TBC1D19: variants seen among roughly 807,000 people sequenced by gnomAD.
TBC1D19 encodes TBC1 domain family, member 19.
TBC1D19 carries 60 observed loss-of-function variants against 89.0 expected under a neutral mutation model. The observed-to-expected ratio is 0.67, with a 90% CI of 0.55 to 0.84. TBC1D19 has a LOEUF of 0.84. TBC1D19 is among the 40% of genes least tolerant of loss of function. The pLI is 0.00. For synonymous variants in TBC1D19, 189 were observed against 199.7 expected, an observed-to-expected ratio of 0.95 and a Z score of 0.45; for missense variants, 500 against 610.8, an observed-to-expected ratio of 0.82 and a Z score of 1.91.
intron 1 of TBC1D19, among the ~76,000 whole-genome samples, chr4:26,592,773 A>G (rs374368039): frequency 6.6e-6 from 1 of 151,878 alleles, no homozygotes; most frequent in East Asian, 1.9e-4. Context: ...TAGGAATCCA[A>G]CTTACAAGGG....
intron 14 of TBC1D19, 38 bp downstream of exon 14, chr4:26,718,055 AC>A: frequency 6.9e-7 from 1 of 1,456,458 alleles, no homozygotes; most frequent in Non-Finnish European, 9.6e-7. Flanking sequence ...ATTAAGACTT[AC>A]ATAATCATGC....
intron 8 of TBC1D19, among the ~76,000 whole-genome samples, chr4:26,664,865 T>A (rs1397108811): frequency 6.6e-6 from 1 of 152,038 alleles, no homozygotes; most frequent in Non-Finnish European, 1.5e-5. Flanking sequence ...GTTGGTCGAG[T>A]GTGAGCTGAG....
the TBC1D19 span, among the ~76,000 whole-genome samples, chr4:26,807,398 G>A: frequency 3.3e-4 from 50 of 152,282 alleles, no homozygotes; most frequent in African/African-American, 1.1e-3. Context: ...TGTCCCCCAC[G>A]GGCCAGGTGC....
In TBC1D19 at chr4:26,673,898, A is replaced by G. The variant is rs746424148; in HGVS notation, c.816+10A>G. Reference sequence around the variant, plus strand: ...TTCCAGCCAACCTGAGGTAAGAAGAAAAAAAGGGTGGGTCAGATTTTAGCT... The same window carrying G: ...TTCCAGCCAACCTGAGGTAAGAAGAGAAAAAGGGTGGGTCAGATTTTAGCT... On this transcript the variant is annotated intron_variant, in intron 11 of 20. Coordinates refer to ENST00000264866, the MANE Select transcript of TBC1D19 (RefSeq NM_018317.4). The G allele has an allele frequency of 1.4e-5, 22 of 1,520,460 alleles. No individual in the cohort carries two copies. Among genetic ancestry groups the G allele is most frequent in the Middle Eastern group, 1.7e-4 (1 of 5,768 alleles). 94.2% of individuals were successfully genotyped at this position (1,520,460 alleles called of 1,614,324 possible).
At chr4:26,638,185 A>T (rs1743255647) in intron 5 of TBC1D19, among the ~76,000 whole-genome samples, 1 of 149,366 alleles carries the variant, frequency 6.7e-6, no homozygotes, top group South Asian at 2.1e-4. Context: ...AGTAGGAGAG[A>T]GTCAGTTTCC....
intron 9 of TBC1D19, among the ~76,000 whole-genome samples, chr4:26,671,415 A>G (rs377592104): frequency 2.0e-5 from 3 of 151,750 alleles, no homozygotes; most frequent in African/African-American, 4.8e-5. Flanking sequence ...AGTTCTTTAT[A>G]TATTCTGAAT....
chr4:26,790,080 A>G, the TBC1D19 span, among the ~76,000 whole-genome samples: 680 of 152,354 alleles, frequency 4.5e-3, 4 homozygotes, highest in African/African-American at 0.016. Flanking sequence ...CTTAATGAGT[A>G]CAATGTAAAC....
At chr4:26,741,053 T>C (rs1718338502) in intron 17 of TBC1D19, 5 of 811,980 alleles carry the variant, frequency 6.2e-6, no homozygotes, top group Non-Finnish European at 6.0e-6. Context: ...TGACCAATAA[T>C]TAAGATTAAT....
the TBC1D19 span, among the ~76,000 whole-genome samples, chr4:26,838,397 A>G: frequency 6.6e-6 from 1 of 152,340 alleles, no homozygotes; most frequent in African/African-American, 2.4e-5. Context: ...GTTTTTTATT[A>G]AAGACATCTA....
At chr4:26,743,436 G>T (rs564497527) in intron 18 of TBC1D19, among the ~76,000 whole-genome samples, 10 of 152,050 alleles carry the variant, frequency 6.6e-5, no homozygotes, top group African/African-American at 1.9e-4. Flanking sequence ...TTGTAATCCT[G>T]GTGAAGTTTT....
chr4:26,639,122 C>T (rs1270040295), intron 6 of TBC1D19, among the ~76,000 whole-genome samples: 1 of 152,194 alleles, frequency 6.6e-6, no homozygotes, highest in Non-Finnish European at 1.5e-5. Flanking sequence ...GATCACAGCT[C>T]ACTTTAACCT....
At chr4:26,605,052 A>T (rs1248608484) in intron 1 of TBC1D19, among the ~76,000 whole-genome samples, 4 of 151,628 alleles carry the variant, frequency 2.6e-5, no homozygotes, top group African/African-American at 9.7e-5. Flanking sequence ...TTTTATTTTT[A>T]TTTTTTTATT....
At chr4:26,652,414 C>T (rs1435843417) in intron 7 of TBC1D19, among the ~76,000 whole-genome samples, 18 of 151,682 alleles carry the variant, frequency 1.2e-4, no homozygotes, top group African/African-American at 4.1e-4. Flanking sequence ...TTTGTTTTTC[C>T]TTTTTGTGGA....
downstream of TBC1D19, among the ~76,000 whole-genome samples, chr4:26,757,917 A>C (rs563077352): frequency 1.1e-4 from 17 of 152,314 alleles, no homozygotes; most frequent in East Asian, 3.3e-3. Context: ...GCTCTGTAGC[A>C]TAACAGGAAA....
rs560818162 is a variant in TBC1D19, at chr4:26,736,568, A to G, written c.1117+1081A>G. Among the ~76,000 whole-genome samples the G allele has an allele frequency of 6.6e-5, 10 of 152,336 alleles. No homozygotes were observed. In the East Asian group the frequency reaches 1.9e-3, roughly 29 times the overall value. On this transcript the variant is annotated intron_variant, in intron 16 of 20. Coordinates refer to ENST00000264866, the MANE Select transcript of TBC1D19 (RefSeq NM_018317.4). Reference sequence around the variant, plus strand: ...ATAAAAAAATAGAACATACTGTGAAAATGGTCCTGTGGTTTACCATTTTTT... The same window carrying G: ...ATAAAAAAATAGAACATACTGTGAAGATGGTCCTGTGGTTTACCATTTTTT...
At chr4:26,585,620 G>C (rs1053037981) in intron 1 of TBC1D19, among the ~76,000 whole-genome samples, 1 of 151,332 alleles carries the variant, frequency 6.6e-6, no homozygotes, top group Admixed American at 6.6e-5. Context: ...GTCTTCCTCT[G>C]TCACCCTGGC....
At chr4:26,732,045 C>CTTT (rs1425925064) in intron 15 of TBC1D19, among the ~76,000 whole-genome samples, 1 of 152,084 alleles carries the variant, frequency 6.6e-6, no homozygotes, top group Non-Finnish European at 1.5e-5. Context: ...TTTTCTTCTT[C>CTTT]TTTCTTATTT....
chr4:26,832,376 G>T, the TBC1D19 span, among the ~76,000 whole-genome samples: 1 of 152,124 alleles, frequency 6.6e-6, no homozygotes, highest in East Asian at 1.9e-4. Context: ...CATGCATGTT[G>T]GGCCTGCCAG....
rs552219382 is a variant in TBC1D19 at position 26,597,576 on chromosome 4, G to C, written c.99+13284G>C. Among the ~76,000 whole-genome samples, 229 of 149,078 alleles carry C rather than the reference G, an allele frequency of 1.5e-3. 1 individual carries two copies. The highest frequency in any genetic ancestry group is 1.8e-3 in the Non-Finnish European group (124 of 67,522). On this transcript the variant is annotated intron_variant, in intron 1 of 20. Transcript: ENST00000264866. ...GACGGGGTTTCACCATGTTGGCCAG[G>C]CAGTCTGGAACTCCTGATCTCAGGT... is the stretch of plus-strand genomic sequence containing the variant.
Sources: gnomAD v4.1 joint callset for allele counts (sites outside exome capture counted in the v4.1 genomes callset) on GRCh38, gnomAD v4.1.1 for gene constraint, MANE v1.5 for transcripts, NCBI Gene and HGNC (gene_info 2026-07-23, HGNC 2026-07-21) for gene names.